The following SMG7 variants were observed in gnomAD, a reference collection of about 807,000 sequenced individuals.
SMG7 encodes the protein nonsense-mediated mRNA decay factor SMG7.
A neutral mutation model predicts 148.2 loss-of-function variants in SMG7; 34 were observed. The observed-to-expected ratio is 0.23, with a 90% CI of 0.17 to 0.31. The LOEUF (loss-of-function observed/expected upper bound fraction) is 0.31, where lower values mean the gene tolerates loss of function less well. Ranked by LOEUF, SMG7 falls within the 10% of genes least tolerant of loss-of-function variation. SMG7 has a pLI of 1.00. For missense variants in SMG7, 1,114 were observed against 1,408.4 expected, an observed-to-expected ratio of 0.79 and a Z score of 3.35; for synonymous variants, 492 against 515.1, an observed-to-expected ratio of 0.96 and a Z score of 0.61.
At chr1:183,515,775 C>A (rs1663367030) in intron 2 of SMG7, 99 bp from the exon 3 acceptor site, 1 of 605,798 alleles carries the variant, frequency 1.7e-6, no homozygotes, top group Non-Finnish European at 2.9e-6. Flanking sequence ...GCAGGTTTTG[C>A]CTTGGGGATA....
intron 12 of SMG7, among the ~76,000 whole-genome samples, chr1:183,538,722 T>A (rs1319998480): frequency 6.6e-6 from 1 of 152,190 alleles, no homozygotes; most frequent in Non-Finnish European, 1.5e-5. Flanking sequence ...CTCTCTGCAT[T>A]GTATTTCCAG....
chr1:183,538,247 TAAAG>T lies in SMG7; in HGVS notation c.1235-130_1235-127del, dbSNP rs1668149315. On this transcript the variant is annotated intron_variant, in intron 11 of 22. Coordinates refer to ENST00000688051, the MANE Select transcript of SMG7 (RefSeq NM_001375584.1). ...TGAGTTATTTTCATCAGGATCATGA[TAAAG>T]AAGAGCAGAGAACAATAAGCATTAT... 3 of 644,040 alleles carry T rather than the reference TAAAG, an allele frequency of 4.7e-6. No individual in the cohort carries two copies. The Admixed American group carries it at 7.5e-5, about 16-fold the overall frequency. The allele number at this position is 644,040 out of a possible 1,614,324, so 39.9% of individuals were successfully genotyped here.
At chr1:183,548,675 T>C (rs1670396516) in intron 18 of SMG7, among the ~76,000 whole-genome samples, 1 of 152,222 alleles carries the variant, frequency 6.6e-6, no homozygotes, top group Non-Finnish European at 1.5e-5. Context: ...TTGTTTCTCC[T>C]AATAACTTTG....
rs971601340 is a variant in SMG7, at chr1:183,553,189, G to A, written c.*1258G>A. On this transcript the variant is annotated 3_prime_UTR_variant, in exon 23 of 23. Transcript: ENST00000688051. Reference sequence around the variant, plus strand: ...GTCGTCCATTTTGGAAGAGACGAAAGAAAGGAAAATAAACTCTTTGTATGA... The same window carrying A: ...GTCGTCCATTTTGGAAGAGACGAAAAAAAGGAAAATAAACTCTTTGTATGA... 1 of 1,535,492 alleles carries A rather than the reference G, an allele frequency of 6.5e-7. No individual in the cohort carries two copies. The highest frequency in any genetic ancestry group is 1.4e-5 in the African/African-American group (1 of 72,996).
At chr1:183,523,059 T>G (rs183098995) in intron 4 of SMG7, among the ~76,000 whole-genome samples, 108 of 152,292 alleles carry the variant, frequency 7.1e-4, no homozygotes, top group African/African-American at 2.5e-3. Flanking sequence ...AAATTCCTGG[T>G]CAAAGTAAAG....
At chr1:183,549,563 C>G (rs930555663) in intron 19 of SMG7, among the ~76,000 whole-genome samples, 3 of 152,102 alleles carry the variant, frequency 2.0e-5, no homozygotes, top group African/African-American at 7.2e-5. Context: ...ATAGTTTACA[C>G]AGAGCAAATT....
At chr1:183,487,538 G>A (rs1655774976) in intron 1 of SMG7, among the ~76,000 whole-genome samples, 1 of 152,184 alleles carries the variant, frequency 6.6e-6, no homozygotes, top group African/African-American at 2.4e-5. Context: ...TAGCTATACA[G>A]CCTGGAACAG....
At chr1:183,504,010 G>C (rs1223529345) in intron 1 of SMG7, among the ~76,000 whole-genome samples, 3 of 152,270 alleles carry the variant, frequency 2.0e-5, no homozygotes, top group African/African-American at 7.2e-5. Flanking sequence ...TTAGTGAACA[G>C]CTGCCATGGG....
In SMG7 at chr1:183,544,402, A is replaced by G. The variant is rs747848424; in HGVS notation, c.1892A>G (p.Lys631Arg). 4 of 1,613,896 alleles carry G rather than the reference A, an allele frequency of 2.5e-6. No individual in the cohort carries two copies. The highest frequency in any genetic ancestry group is 1.3e-5 in the African/African-American group (1 of 74,904). ...LRKTPVSEAR[K>R]TPVTQTPTQA... ...AAGACTCCAGTGTCTGAAGCCAGAAAAACACCTGTAACTCAAACCCCAACT... is the reference window on the plus strand; with the variant it reads ...AAGACTCCAGTGTCTGAAGCCAGAAGAACACCTGTAACTCAAACCCCAACT... The change falls in exon 15 of 23, where the codon AAA becomes AGA. Residue 631 changes from lysine to arginine, a missense_variant. Coordinates refer to ENST00000688051, the MANE Select transcript of SMG7 (RefSeq NM_001375584.1).
chr1:183,528,222 ATTTAT>A (rs969897666), intron 6 of SMG7, among the ~76,000 whole-genome samples, 195 bp downstream of exon 6: 5 of 152,052 alleles, frequency 3.3e-5, no homozygotes, highest in Non-Finnish European at 5.9e-5. Flanking sequence ...GACTTTTATT[ATTTAT>A]TTTATTTTAT....
intron 1 of SMG7, among the ~76,000 whole-genome samples, chr1:183,504,176 G>T (rs1053011991): frequency 1.3e-5 from 2 of 151,888 alleles, no homozygotes; most frequent in Non-Finnish European, 2.9e-5. Flanking sequence ...CTTACCTAGA[G>T]TTCCTTAAAA....
At chr1:183,484,738 C>T (rs1177751768) in intron 1 of SMG7, among the ~76,000 whole-genome samples, 2 of 152,004 alleles carry the variant, frequency 1.3e-5, no homozygotes, top group Non-Finnish European at 2.9e-5. Context: ...ACTTAGGAGA[C>T]TCCTGAGTTA....
chr1:183,525,814 T>C (rs1029268263), intron 4 of SMG7, among the ~76,000 whole-genome samples: 1 of 152,142 alleles, frequency 6.6e-6, no homozygotes, highest in Non-Finnish European at 1.5e-5. Context: ...ACGGTGAGAT[T>C]CGTTGTATAT....
At chr1:183,482,428 C>A (rs74981444) in intron 1 of SMG7, among the ~76,000 whole-genome samples, 5,248 of 151,362 alleles carry the variant, frequency 0.035, 123 homozygotes, top group Middle Eastern at 0.092. Flanking sequence ...TGTAAGTAGC[C>A]TCATCTTAGG....
Position 183,533,724 on chromosome 1 carries a change from A to G in SMG7, c.1055A>G (p.Gln352Arg), listed in dbSNP as rs576873326. 46 of 1,613,270 alleles carry G rather than the reference A, an allele frequency of 2.9e-5. No homozygotes were observed. The African/African-American group carries it at 5.3e-4, about 19-fold the overall frequency. Reference protein sequence around the residue: ...LCKCPLQNESQEESYNAYPLP... With the variant: ...LCKCPLQNESREESYNAYPLP... ...AAGTGTCCTCTACAGAATGAGTCTC[A>G]GGAGGAGTCCTACAATGCCTATCCT... is the stretch of plus-strand genomic sequence containing the variant. Residue 352 changes from glutamine to arginine, a missense_variant, in exon 10 of 23, where the codon CAG becomes CGG. This residue lies in a region of SMG7 where 102 missense variants were observed against 147.2 expected (regional missense o/e 0.69). Transcript: ENST00000688051.
intron 4 of SMG7, among the ~76,000 whole-genome samples, chr1:183,524,339 T>A (rs980051271): frequency 2.0e-5 from 3 of 152,214 alleles, no homozygotes; most frequent in Admixed American, 1.3e-4. Context: ...CAGGCTGGTC[T>A]TGAACTCCTG....
In SMG7 at chr1:183,552,272, A is replaced by G; in HGVS notation, c.*341A>G. 1 of 1,023,924 alleles carries G rather than the reference A, an allele frequency of 9.8e-7. No homozygotes were observed. The highest frequency in any genetic ancestry group is 1.2e-6 in the Non-Finnish European group (1 of 855,426). 63.4% of individuals were successfully genotyped at this position (1,023,924 alleles called of 1,614,324 possible). A position where few individuals can be genotyped will look rare whatever the true frequency, so the allele number is the denominator to read the frequency against. On this transcript the variant is annotated 3_prime_UTR_variant, in exon 23 of 23. Coordinates refer to ENST00000688051, the MANE Select transcript of SMG7 (RefSeq NM_001375584.1). ...GAAGTGAAAGCTGAGAAGGGAAGGC[A>G]GATGGGAGAAGCCAATGGGAACTTC...
At chr1:183,501,609 A>C (rs962135713) in intron 1 of SMG7, among the ~76,000 whole-genome samples, 1 of 152,204 alleles carries the variant, frequency 6.6e-6, no homozygotes, top group African/African-American at 2.4e-5. Flanking sequence ...GGGTGCAGAA[A>C]GTGTGACTCC....
At chr1:183,479,261 C>A (rs1653459439) in intron 1 of SMG7, among the ~76,000 whole-genome samples, 2 of 152,084 alleles carry the variant, frequency 1.3e-5, no homozygotes, top group African/African-American at 4.8e-5. Flanking sequence ...GATTTCTCAA[C>A]CTTGGCACTT....
Sources: gnomAD v4.1 joint callset for allele counts (sites outside exome capture counted in the v4.1 genomes callset) on GRCh38, gnomAD v4.1.1 for gene constraint, gnomAD v4.1.1 regional missense constraint, MANE v1.5 for transcripts, NCBI Gene and HGNC (gene_info 2026-07-23, HGNC 2026-07-21) for gene names.